The following PACSIN1 variants were observed in gnomAD, a reference collection of about 807,000 sequenced individuals.
PACSIN1 encodes the protein protein kinase C and casein kinase substrate in neurons 1.
A neutral mutation model predicts 59.5 loss-of-function variants in PACSIN1; 15 were observed. That is an observed-to-expected ratio of 0.25 (90% CI 0.17 to 0.39). PACSIN1 has a LOEUF of 0.39. Among genes scored for constraint, PACSIN1 ranks in the 10% least tolerant of loss-of-function variants. The pLI is 1.00. For missense variants in PACSIN1, 420 were observed against 580.2 expected (o/e 0.72, Z 2.84); for synonymous variants, 210 against 220.6 (o/e 0.95, Z 0.42).
intron 1 of PACSIN1, among the ~76,000 whole-genome samples, chr6:34,466,985 G>T (rs538233552): frequency 6.6e-6 from 1 of 152,214 alleles, no homozygotes; most frequent in Non-Finnish European, 1.5e-5. Flanking sequence ...CGGGAGCTTG[G>T]CCAGACCCAG....
At chr6:34,479,030 C>T (rs941035219) in intron 1 of PACSIN1, among the ~76,000 whole-genome samples, 2 of 152,120 alleles carry the variant, frequency 1.3e-5, no homozygotes, top group East Asian at 3.9e-4. Flanking sequence ...ACAGCCTGCT[C>T]TCATGGGAAC....
chr6:34,529,714 C>T lies in PACSIN1; in HGVS notation c.661C>T (p.Pro221Ser), dbSNP rs777221321. The change falls in exon 6 of 10, where the codon CCC (proline) becomes TCC (serine). Residue 221 changes from proline to serine, a missense_variant. Physicochemically the swap from Pro to Ser is moderately conservative, Grantham distance 74. Transcript: ENST00000244458. This position sits in a 1 kb window ranked among gnomAD's most constrained non-coding sequence, Gnocchi z 6.3. The part of the protein sequence containing the change: ...KVLEDVGKTT[P>S]QYMENMEQVF... The stretch of plus-strand genomic sequence containing the variant: ...GCTGGAAGATGTGGGCAAGACCACA[C>T]CCCAGTACATGGAGAACATGGAGCA... 1 of 1,614,132 alleles carries T rather than the reference C, an allele frequency of 6.2e-7. No homozygotes were observed. The highest frequency in any genetic ancestry group is 8.5e-7 in the Non-Finnish European group (1 of 1,180,030).
At chr6:34,524,825 C>T (rs536586691) in intron 1 of PACSIN1, among the ~76,000 whole-genome samples, 3 of 152,294 alleles carry the variant, frequency 2.0e-5, no homozygotes, top group South Asian at 2.1e-4. Context: ...TCACCATGGG[C>T]GAGAGACAAA....
chr6:34,490,210 C>T (rs1268059332), intron 1 of PACSIN1, among the ~76,000 whole-genome samples: 1 of 149,914 alleles, frequency 6.7e-6, no homozygotes, highest in Non-Finnish European at 1.5e-5. Flanking sequence ...ACCACCACAC[C>T]TGGCTAATTT....
At chr6:34,486,691 G>T (rs1016630632) in intron 1 of PACSIN1, among the ~76,000 whole-genome samples, 1 of 152,124 alleles carries the variant, frequency 6.6e-6, no homozygotes, top group African/African-American at 2.4e-5. Flanking sequence ...CCCCTGCAGG[G>T]CTGCCTTCCG....
At chr6:34,487,132 C>T (rs1766806695) in intron 1 of PACSIN1, among the ~76,000 whole-genome samples, 2 of 152,128 alleles carry the variant, frequency 1.3e-5, no homozygotes, top group African/African-American at 4.8e-5. Flanking sequence ...GATTGCACCA[C>T]TGCACTCCAG....
intron 1 of PACSIN1, among the ~76,000 whole-genome samples, chr6:34,519,522 C>G (rs1273921759): frequency 6.6e-6 from 1 of 152,114 alleles, no homozygotes; most frequent in Non-Finnish European, 1.5e-5. Context: ...TGAGGCCCAA[C>G]AGTCCTGGAA....
At position 34,532,340 on chromosome 6, in the gene PACSIN1, T is replaced by C. The variant is rs1390908422; in HGVS notation, c.1226-81T>C. ...CAGTGCAGTAATCAGGAGGTGGGTA[T>C]TGGAGGGTTCCCCTAGCAGCCGGTG... On this transcript the variant is annotated intron_variant, in intron 9 of 9. Transcript: ENST00000244458. The surrounding 1 kb of genome is among the most constrained non-coding windows in gnomAD (Gnocchi z 5.2). 20 of 932,840 alleles carry C rather than the reference T, an allele frequency of 2.1e-5. No individual in the cohort carries two copies. The highest frequency in any genetic ancestry group is 3.4e-5 in the Non-Finnish European group (20 of 591,564). 57.8% of individuals were successfully genotyped at this position (932,840 alleles called of 1,614,324 possible). A position where few individuals can be genotyped will look rare whatever the true frequency, so the allele number is the denominator to read the frequency against.
chr6:34,529,943 A>G lies in PACSIN1; in HGVS notation c.788+102A>G, dbSNP rs1238905456. The stretch of plus-strand genomic sequence containing the variant: ...CCTCCATCACAGTGACGGGAAGGGG[A>G]GGCAGAGCTGCAGGGGTCAAGAAGG... On this transcript the variant is annotated intron_variant, in intron 6 of 9. Coordinates refer to ENST00000244458, the MANE Select transcript of PACSIN1 (RefSeq NM_020804.5). This position sits in a 1 kb window ranked among gnomAD's most constrained non-coding sequence, Gnocchi z 6.3. The G allele has an allele frequency of 3.0e-6, 4 of 1,314,874 alleles. No homozygotes were observed. Among genetic ancestry groups the G allele is most frequent in the Non-Finnish European group, 4.2e-6 (4 of 952,802 alleles). The allele number at this position is 1,314,874 out of a possible 1,614,324, so 81.5% of individuals were successfully genotyped here. A position where few individuals can be genotyped will look rare whatever the true frequency, so the allele number is the denominator to read the frequency against.
intron 1 of PACSIN1, among the ~76,000 whole-genome samples, chr6:34,473,577 A>C (rs578060614): frequency 6.6e-6 from 1 of 152,104 alleles, no homozygotes; most frequent in South Asian, 2.1e-4. Flanking sequence ...ACTGAGGACA[A>C]GAGGGGCAGC....
chr6:34,477,355 A>G (rs1581957161), intron 1 of PACSIN1, among the ~76,000 whole-genome samples: 1 of 152,054 alleles, frequency 6.6e-6, no homozygotes, highest in East Asian at 1.9e-4. Flanking sequence ...AAGAAAAAGA[A>G]GAAAGAAAGA....
At chr6:34,500,006 CTA>C (rs1166484037) in intron 1 of PACSIN1, among the ~76,000 whole-genome samples, 1 of 152,106 alleles carries the variant, frequency 6.6e-6, no homozygotes, top group Non-Finnish European at 1.5e-5. Flanking sequence ...TTTGCAAATC[CTA>C]TGTCTAATGA....
At chr6:34,510,308 T>C (rs763648300) in intron 1 of PACSIN1, among the ~76,000 whole-genome samples, 3 of 152,220 alleles carry the variant, frequency 2.0e-5, no homozygotes, top group Non-Finnish European at 4.4e-5. Context: ...GATCCCTTTC[T>C]CCCCGTGCTA....
rs143728746 is a variant in PACSIN1 at position 34,500,618 on chromosome 6, G to A, written c.-63-25625G>A. On this transcript the variant is annotated intron_variant, in intron 1 of 9. Transcript: ENST00000244458. ...TTAGAATTTCAGGAATGGTAAATGA[G>A]CACTGGCTTCAACTTAAAATCACCA... Among the ~76,000 whole-genome samples, 14 of 152,328 alleles carry A rather than the reference G, an allele frequency of 9.2e-5. No homozygotes were observed. In the East Asian group the frequency reaches 2.7e-3, roughly 29 times the overall value.
At chr6:34,524,339 G>A (rs1371216210) in intron 1 of PACSIN1, among the ~76,000 whole-genome samples, 1 of 152,058 alleles carries the variant, frequency 6.6e-6, no homozygotes, top group Non-Finnish European at 1.5e-5. Context: ...ATGTACACAC[G>A]AGGCACATTA....
At chr6:34,476,503 C>T (rs1766641037) in intron 1 of PACSIN1, among the ~76,000 whole-genome samples, 2 of 151,960 alleles carry the variant, frequency 1.3e-5, no homozygotes, top group African/African-American at 4.8e-5. Flanking sequence ...GCCACTGCTG[C>T]CTGCTCCCCA....
rs570899714 is a variant in PACSIN1, at chr6:34,521,744, G to A, written c.-63-4499G>A. On this transcript the variant is annotated intron_variant, in intron 1 of 9. Coordinates refer to ENST00000244458, the MANE Select transcript of PACSIN1 (RefSeq NM_020804.5). The surrounding 1 kb of genome is among the most constrained non-coding windows in gnomAD (Gnocchi z 4.3). ...CGGTGGTGGATGGATAGTAAGCGCC[G>A]ACACCTGTGGAGAGCTCGCCGTGTG... Among the ~76,000 whole-genome samples the A allele has an allele frequency of 5.3e-5, 8 of 152,248 alleles. 1 individual carries two copies. The highest frequency in any genetic ancestry group is 1.9e-4 in the African/African-American group (8 of 41,524).
intron 1 of PACSIN1, among the ~76,000 whole-genome samples, chr6:34,499,824 A>G (rs1444340640): frequency 1.3e-5 from 2 of 152,104 alleles, no homozygotes; most frequent in African/African-American, 4.8e-5. Flanking sequence ...AAGAAAATAT[A>G]GGGAAGAATC....
chr6:34,531,612 C>T lies in PACSIN1; in HGVS notation c.1050C>T (p.Tyr350=), dbSNP rs145007772. The T allele has an allele frequency of 1.7e-4, 272 of 1,613,854 alleles. No homozygotes were observed. The highest frequency in any genetic ancestry group is 1.3e-3 in the Admixed American group (79 of 60,004). ...CTCCGCGTCTCAGTGTTAGCAGCTA[C>T]GACAGAGGCCAGCCCTACGCCACCG... ...QAGDRGSVSS[Y]DRGQPYATEW... The change falls in exon 9 of 10, where the codon TAC becomes TAT. Residue 350 remains tyrosine, a synonymous_variant. Transcript: ENST00000244458. This position sits in a 1 kb window ranked among gnomAD's most constrained non-coding sequence, Gnocchi z 4.4.
Sources: allele counts gnomAD v4.1 joint callset (sites outside exome capture counted in the v4.1 genomes callset), GRCh38; gene constraint gnomAD v4.1.1; non-coding constraint Gnocchi (gnomAD v3.1); transcripts MANE v1.5; gene names NCBI Gene and HGNC (gene_info 2026-07-23, HGNC 2026-07-21).